TNKS: variants seen among roughly 807,000 people sequenced by gnomAD.
TNKS encodes the protein tankyrase, also known as poly [ADP-ribose] polymerase tankyrase-1.
A neutral mutation model predicts 135.8 loss-of-function variants in TNKS; 72 were observed. The observed-to-expected ratio is 0.53, with a 90% confidence interval of 0.44 to 0.64. The LOEUF (loss-of-function observed/expected upper bound fraction) is 0.64, where lower values mean the gene tolerates loss of function less well. Among genes scored for constraint, TNKS ranks in the 30% least tolerant of loss-of-function variants. TNKS has a pLI of 0.00. For synonymous variants in TNKS, 849 were observed against 649.3 expected (o/e 1.31, Z -4.68); for missense variants, 1,769 against 1,674.0 (o/e 1.06, Z -0.99).
At chr8:9,676,710 GTT>G (rs1802557879) in intron 3 of TNKS, among the ~76,000 whole-genome samples, 2 of 150,718 alleles carry the variant, frequency 1.3e-5, no homozygotes, top group South Asian at 4.2e-4. Context: ...GTGTGTGTGT[GTT>G]TGTGTGTGTG....
intron 2 of TNKS, among the ~76,000 whole-genome samples, chr8:9,613,668 A>C (rs141136259): frequency 1.3e-3 from 201 of 152,344 alleles, no homozygotes; most frequent in African/African-American, 4.5e-3. Flanking sequence ...CATATTTAGA[A>C]AACATCTATT....
intron 2 of TNKS, among the ~76,000 whole-genome samples, chr8:9,597,535 G>C (rs7835002): frequency 0.41 from 62,354 of 152,008 alleles, 13,198 homozygotes; most frequent in East Asian, 0.61. Context: ...TTGTAATTTA[G>C]ATTCTTTTAA....
At position 9,777,540 on chromosome 8, in the gene TNKS, C is replaced by G. The variant is rs1808283476; in HGVS notation, c.*804C>G. Reference sequence around the variant, plus strand: ...TGCTCTTTCCAACACAAGCCTGCCACAGAGGTCTTCGGGACAGTACTGGAG... The same window carrying G: ...TGCTCTTTCCAACACAAGCCTGCCAGAGAGGTCTTCGGGACAGTACTGGAG... On this transcript the variant is annotated 3_prime_UTR_variant, in exon 27 of 27. Transcript: ENST00000310430. 3 of 152,196 alleles carry G rather than the reference C, an allele frequency of 2.0e-5. No individual in the cohort carries two copies. The highest frequency in any genetic ancestry group is 2.4e-5 in the African/African-American group (1 of 41,420). 9.4% of individuals were successfully genotyped at this position (152,196 alleles called of 1,614,324 possible).
At chr8:9,630,457 A>C (rs1049450861) in intron 3 of TNKS, among the ~76,000 whole-genome samples, 2 of 152,186 alleles carry the variant, frequency 1.3e-5, no homozygotes, top group African/African-American at 4.8e-5. Flanking sequence ...TTGTTTGTTA[A>C]ATCTGTGTTG....
intron 5 of TNKS, among the ~76,000 whole-genome samples, chr8:9,697,109 A>G (rs1803553749): frequency 1.3e-5 from 2 of 152,166 alleles, no homozygotes. Context: ...AGACACGTAG[A>G]CTGATGGAAT....
chr8:9,735,134 A>G (rs766079333), intron 16 of TNKS, 50 bp downstream of exon 16: 39 of 1,541,772 alleles, frequency 2.5e-5, no homozygotes, highest in Admixed American at 4.2e-5. Context: ...TCGGACACCT[A>G]ATACAGTTTA....
At chr8:9,579,068 A>C (rs1342666584) in intron 1 of TNKS, among the ~76,000 whole-genome samples, 1 of 152,016 alleles carries the variant, frequency 6.6e-6, no homozygotes, top group Non-Finnish European at 1.5e-5. Flanking sequence ...AGTATTTCTT[A>C]CCTTTCTAAG....
chr8:9,653,592 T>C (rs1384233275), intron 3 of TNKS, among the ~76,000 whole-genome samples: 1 of 151,970 alleles, frequency 6.6e-6, no homozygotes, highest in Non-Finnish European at 1.5e-5. Flanking sequence ...CTCACTCTCG[T>C]GGTAGCAAAT....
chr8:9,640,628 C>G lies in TNKS; in HGVS notation c.994+24951C>G, dbSNP rs147352834. Reference sequence around the variant, plus strand: ...TTAAATTTGACATAGCAAGAGTACTCTGAAGACAGGTTCATCATTTTTATC... The same window carrying G: ...TTAAATTTGACATAGCAAGAGTACTGTGAAGACAGGTTCATCATTTTTATC... On this transcript the variant is annotated intron_variant, in intron 3 of 26. Transcript: ENST00000310430. 6.6e-4 allele frequency among the ~76,000 whole-genome samples: 96 copies of G among 146,108 alleles called. 9 individuals carry two copies. Among genetic ancestry groups the G allele is most frequent in the African/African-American group, 2.4e-3 (95 of 39,518 alleles).
rs944230184 is a variant in TNKS, at chr8:9,564,117, A to T, written c.673+7505A>T. On this transcript the variant is annotated intron_variant, in intron 1 of 26. Transcript: ENST00000310430. ...ATAACCTATGAGACATTTTTTCAGGAACCTTAACCGGAGACATTGTGCTAA... is the reference window on the plus strand; with the variant it reads ...ATAACCTATGAGACATTTTTTCAGGTACCTTAACCGGAGACATTGTGCTAA... Among the ~76,000 whole-genome samples the T allele has an allele frequency of 2.8e-4, 42 of 152,122 alleles. 1 individual carries two copies. Among genetic ancestry groups the T allele is most frequent in the Non-Finnish European group, 2.9e-5 (2 of 68,006 alleles).
intron 3 of TNKS, among the ~76,000 whole-genome samples, chr8:9,671,637 T>C (rs1024711393): frequency 6.6e-6 from 1 of 152,204 alleles, no homozygotes; most frequent in African/African-American, 2.4e-5. Flanking sequence ...GGGGCCTGAC[T>C]TTTTGGTGTG....
intron 5 of TNKS, among the ~76,000 whole-genome samples, chr8:9,695,048 T>C (rs1191186400): frequency 1.3e-5 from 2 of 152,200 alleles, no homozygotes; most frequent in Non-Finnish European, 2.9e-5. Context: ...TAACAACATA[T>C]ATTTTATATT....
In TNKS at chr8:9,557,494, G is replaced by A. The variant is rs1009914862; in HGVS notation, c.673+882G>A. 2.8e-4 allele frequency: 42 copies of A among 151,266 alleles called. 1 individual carries two copies. The highest frequency in any genetic ancestry group is 2.9e-5 in the Non-Finnish European group (2 of 67,906). The allele number at this position is 151,266 out of a possible 1,614,324, so 9.4% of individuals were successfully genotyped here. ...AGAGAACTGTAAAATAAAAACAAAG[G>A]ACCATAATCTCACTGCCTGGATACC... On this transcript the variant is annotated intron_variant, in intron 1 of 26. Transcript: ENST00000310430.
At chr8:9,753,548 A>G (rs1806662243) in intron 20 of TNKS, among the ~76,000 whole-genome samples, 1 of 152,234 alleles carries the variant, frequency 6.6e-6, no homozygotes, top group African/African-American at 2.4e-5. Context: ...CATACAGGAT[A>G]AGGAGTTGTA....
At chr8:9,657,583 CGGCTGGCCGGGCGG>C (rs1801455615) in intron 3 of TNKS, among the ~76,000 whole-genome samples, 1 of 82,224 alleles carries the variant, frequency 1.2e-5, no homozygotes, top group African/African-American at 4.7e-5. Flanking sequence ...CCAGACGGGG[CGGCTGGCCGGGCGG>C]AGGGCTGACC....
At chr8:9,723,072 A>T (rs1023969588) in intron 12 of TNKS, among the ~76,000 whole-genome samples, 5 of 75,104 alleles carry the variant, frequency 6.7e-5, no homozygotes, top group African/African-American at 1.5e-4. Context: ...GAACATGCAG[A>T]ACTTTTTAGT....
intron 3 of TNKS, among the ~76,000 whole-genome samples, chr8:9,652,975 T>A (rs57580633): frequency 6.6e-6 from 1 of 152,152 alleles, no homozygotes; most frequent in Non-Finnish European, 1.5e-5. Context: ...GTTATCCTCC[T>A]TGTTAGAACT....
At chr8:9,613,348 T>C (rs1263379901) in intron 2 of TNKS, among the ~76,000 whole-genome samples, 2 of 152,204 alleles carry the variant, frequency 1.3e-5, no homozygotes, top group Non-Finnish European at 2.9e-5. Flanking sequence ...ACCAGCACCT[T>C]TGCTTGTCAC....
At chr8:9,611,354 A>C (rs911173531) in intron 2 of TNKS, among the ~76,000 whole-genome samples, 5 of 152,114 alleles carry the variant, frequency 3.3e-5, no homozygotes, top group African/African-American at 1.2e-4. Flanking sequence ...TTTTCTTTCA[A>C]ACCTTACTTT....
Sources: gnomAD v4.1 joint callset for allele counts (sites outside exome capture counted in the v4.1 genomes callset) on GRCh38, gnomAD v4.1.1 for gene constraint, MANE v1.5 for transcripts, NCBI Gene and HGNC (gene_info 2026-07-23, HGNC 2026-07-21) for gene names.